The following OXNAD1 variants were observed in gnomAD, a reference collection of about 807,000 sequenced individuals.
OXNAD1 encodes the protein oxidoreductase NAD-binding domain-containing protein 1.
Under a neutral mutation model 32.9 loss-of-function variants are expected in OXNAD1, and 34 were observed. That is an observed-to-expected ratio of 1.03 (90% confidence interval 0.79 to 1.38). The LOEUF (loss-of-function observed/expected upper bound fraction) is 1.38. Among genes scored for constraint, OXNAD1 ranks in the 40% most tolerant of loss-of-function variants. The pLI is 0.00. For missense variants in OXNAD1, 407 were observed against 379.4 expected, an observed-to-expected ratio of 1.07 and a Z score of -0.60; for synonymous variants, 134 against 135.2, an observed-to-expected ratio of 0.99 and a Z score of 0.06.
Position 16,305,225 on chromosome 3 carries a change from G to T in OXNAD1, c.*1663G>T, listed in dbSNP as rs886676458. On this transcript the variant is annotated 3_prime_UTR_variant, in exon 9 of 9. Coordinates refer to ENST00000285083, the MANE Select transcript of OXNAD1 (RefSeq NM_138381.5). This position sits in a 1 kb window ranked among gnomAD's most constrained non-coding sequence, Gnocchi z 4.5. ...GAGGACACCTAAAGGTATGCGGAAA[G>T]TACCTAACCCAGACCTCTCTGCATT... 2.0e-5 allele frequency: 3 copies of T among 152,226 alleles called. No homozygotes were observed. Among genetic ancestry groups the T allele is most frequent in the African/African-American group, 7.2e-5 (3 of 41,424 alleles). The allele number at this position is 152,226 out of a possible 1,614,324, so 9.4% of individuals were successfully genotyped here. A position where few individuals can be genotyped will look rare whatever the true frequency, so the allele number is the denominator to read the frequency against.
chr3:16,347,110 A>G (rs549164944), intron 9 of OXNAD1, among the ~76,000 whole-genome samples: 57 of 152,222 alleles, frequency 3.7e-4, no homozygotes, highest in East Asian at 3.9e-4. Context: ...CCCTTTCTCC[A>G]GGGCCAATTG....
At chr3:16,296,594 A>G (rs2066814540) in intron 6 of OXNAD1, among the ~76,000 whole-genome samples, 1 of 152,250 alleles carries the variant, frequency 6.6e-6, no homozygotes, top group African/African-American at 2.4e-5. Flanking sequence ...CATTCAAAAC[A>G]GTATGGTATT....
chr3:16,317,329 G>A lies in OXNAD1; in HGVS notation c.*30+13737G>A. ...GCATTCATACCCACACCATGTCTGA[G>A]TGAGACATACAATTCCCAGCATCCC... On this transcript the variant is annotated intron_variant, in intron 9 of 9. Coordinates refer to the OXNAD1 transcript ENST00000435829. The surrounding 1 kb of genome is among the most constrained non-coding windows in gnomAD (Gnocchi z 4.3). 1 of 1,291,574 alleles carries A rather than the reference G, an allele frequency of 7.7e-7. No homozygotes were observed. The highest frequency in any genetic ancestry group is 1.1e-6 in the Non-Finnish European group (1 of 926,862). 80.0% of individuals were successfully genotyped at this position (1,291,574 alleles called of 1,614,324 possible).
In OXNAD1 at chr3:16,329,439, G is replaced by A. The variant is rs2070074646; in HGVS notation, c.*31-7673G>A. Among the ~76,000 whole-genome samples the A allele has an allele frequency of 6.6e-6, 1 of 152,214 alleles. No homozygotes were observed. The highest frequency in any genetic ancestry group is 1.5e-5 in the Non-Finnish European group (1 of 68,040). ...GAGGTACAAGAATAATCCGTTTACA[G>A]GTGGGGCCAGGAGAGAATGCCATTC... On this transcript the variant is annotated intron_variant, in intron 9 of 9. Coordinates refer to the OXNAD1 transcript ENST00000435829. The surrounding 1 kb of genome is among the most constrained non-coding windows in gnomAD (Gnocchi z 4.5).
At position 16,271,424 on chromosome 3, in the gene OXNAD1, G is replaced by A. The variant is rs1490951090; in HGVS notation, c.120-235G>A. On this transcript the variant is annotated intron_variant, in intron 3 of 8. Coordinates refer to ENST00000285083, the MANE Select transcript of OXNAD1 (RefSeq NM_138381.5). The surrounding 1 kb of genome is among the most constrained non-coding windows in gnomAD (Gnocchi z 4.6). ...TCTCCATGTTGGCCAGGCTGGTCTC[G>A]TACTCCTGACGTCAGATGATCTGCC... 3.3e-5 allele frequency among the ~76,000 whole-genome samples: 5 copies of A among 152,052 alleles called. No homozygotes were observed. The highest frequency in any genetic ancestry group is 2.4e-5 in the African/African-American group (1 of 41,394).
chr3:16,332,420 T>C (rs1343922024), intron 9 of OXNAD1, among the ~76,000 whole-genome samples: 7 of 116,638 alleles, frequency 6.0e-5, no homozygotes, highest in Admixed American at 1.6e-4. Context: ...ATTGCTTCTT[T>C]TTTTTTTTTA....
chr3:16,281,724 C>T lies in OXNAD1; in HGVS notation c.184-4618C>T, dbSNP rs140670154. ...CATTTCACATAGCCTAGCACTTGAT[C>T]GTGACGCATTCTCAGGTGTCTCAGC... On this transcript the variant is annotated intron_variant, in intron 4 of 8. Transcript: ENST00000285083. 2.8e-3 allele frequency among the ~76,000 whole-genome samples: 428 copies of T among 152,108 alleles called. 1 individual carries two copies. Among genetic ancestry groups the T allele is most frequent in the African/African-American group, 0.01 (415 of 41,486 alleles).
At chr3:16,315,454 G>C (rs190600055) in intron 9 of OXNAD1, among the ~76,000 whole-genome samples, 1 of 152,302 alleles carries the variant, frequency 6.6e-6, no homozygotes, top group Admixed American at 6.5e-5. Flanking sequence ...AAAGGGAAAA[G>C]ACTTGCCTCA....
At chr3:16,341,538 G>A (rs1015570678), downstream of OXNAD1, among the ~76,000 whole-genome samples, 2 of 152,110 alleles carry the variant, frequency 1.3e-5, no homozygotes, top group Admixed American at 6.5e-5. This position sits in a 1 kb window ranked among gnomAD's most constrained non-coding sequence, Gnocchi z 4.7. Flanking sequence ...GAAGCCAACT[G>A]GAAAAGGCTA....
downstream of OXNAD1, among the ~76,000 whole-genome samples, chr3:16,341,851 G>A (rs1323293054): frequency 2.0e-5 from 3 of 152,166 alleles, no homozygotes; most frequent in African/African-American, 7.2e-5. This position sits in a 1 kb window ranked among gnomAD's most constrained non-coding sequence, Gnocchi z 4.7. Flanking sequence ...ACAGTTTGAA[G>A]AGTATGATAC....
At chr3:16,269,772 C>G (rs750944011) in intron 2 of OXNAD1, among the ~76,000 whole-genome samples, 1 of 152,126 alleles carries the variant, frequency 6.6e-6, no homozygotes, top group East Asian at 1.9e-4. Context: ...ATTTTGCTAA[C>G]AGCAATTTAT....
In OXNAD1 at chr3:16,317,373, C is replaced by CA; in HGVS notation, c.*30+13782dup. Reference sequence around the variant, plus strand: ...GCATCCCCCAGCCAGGCAGTACAGGCACCAAACTTGAATCGCACACTATCA... The same window carrying CA: ...GCATCCCCCAGCCAGGCAGTACAGGCAACCAAACTTGAATCGCACACTATCA... On this transcript the variant is annotated intron_variant, in intron 9 of 9. Transcript: ENST00000435829. This position sits in a 1 kb window ranked among gnomAD's most constrained non-coding sequence, Gnocchi z 4.3. 1.2e-6 allele frequency: 1 copy of CA among 836,444 alleles called. No individual in the cohort carries two copies. Among genetic ancestry groups the CA allele is most frequent in the Non-Finnish European group, 1.9e-6 (1 of 539,798 alleles). The allele number at this position is 836,444 out of a possible 1,614,324, so 51.8% of individuals were successfully genotyped here.
intron 6 of OXNAD1, among the ~76,000 whole-genome samples, chr3:16,296,707 A>G (rs2066822540): frequency 6.6e-6 from 1 of 152,232 alleles, no homozygotes; most frequent in Non-Finnish European, 1.5e-5. Flanking sequence ...GGTAGATTCA[A>G]TGGAAAAATT....
intron 6 of OXNAD1, among the ~76,000 whole-genome samples, chr3:16,295,875 T>G (rs2066751930): frequency 1.3e-5 from 2 of 152,160 alleles, no homozygotes; most frequent in South Asian, 4.1e-4. Context: ...AAAACCTCTA[T>G]TTTCAGCAAA....
rs1290740852 is a variant in OXNAD1 at position 16,322,379 on chromosome 3, C to T, written c.*31-14733C>T. 6.6e-6 allele frequency among the ~76,000 whole-genome samples: 1 copy of T among 152,236 alleles called. No homozygotes were observed. Among genetic ancestry groups the T allele is most frequent in the African/African-American group, 2.4e-5 (1 of 41,458 alleles). ...GGGGCTGCTCCAATCTGTTCATTTA[C>T]TTGATGCTCCTTCCCAGGGCTCTGT... On this transcript the variant is annotated intron_variant, in intron 9 of 9. Transcript: ENST00000435829. The surrounding 1 kb of genome is among the most constrained non-coding windows in gnomAD (Gnocchi z 6.2).
intron 4 of OXNAD1, among the ~76,000 whole-genome samples, chr3:16,283,442 C>T (rs2065883341): frequency 6.6e-6 from 1 of 152,162 alleles, no homozygotes; most frequent in Non-Finnish European, 1.5e-5. Flanking sequence ...TCAGTTTCCT[C>T]ATCTGCAAGA....
downstream of OXNAD1, among the ~76,000 whole-genome samples, chr3:16,351,243 C>T (rs2072080250): frequency 6.6e-6 from 1 of 152,148 alleles, no homozygotes; most frequent in Non-Finnish European, 1.5e-5. This position sits in a 1 kb window ranked among gnomAD's most constrained non-coding sequence, Gnocchi z 5.4. Context: ...GGAGAGATTC[C>T]TGCAGCGCGC....
chr3:16,288,145 G>T lies in OXNAD1; in HGVS notation c.290+1697G>T, dbSNP rs1300285333. 6.6e-6 allele frequency among the ~76,000 whole-genome samples: 1 copy of T among 152,126 alleles called. No homozygotes were observed. Among genetic ancestry groups the T allele is most frequent in the Non-Finnish European group, 1.5e-5 (1 of 68,030 alleles). ...GAATGGCCATTTTGCTGAGGTTGGC[G>T]GTGTCTGTCCCTTCCATGCTGTTGC... On this transcript the variant is annotated intron_variant, in intron 5 of 8. Coordinates refer to ENST00000285083, the MANE Select transcript of OXNAD1 (RefSeq NM_138381.5). The surrounding 1 kb of genome is among the most constrained non-coding windows in gnomAD (Gnocchi z 5.1).
At chr3:16,313,523 T>C (rs2068119734) in intron 9 of OXNAD1, 1 of 152,162 alleles carries the variant, frequency 6.6e-6, no homozygotes, top group African/African-American at 2.4e-5. Context: ...TAACAGTATC[T>C]GCCACATTGA....
Sources: allele counts gnomAD v4.1 joint callset (sites outside exome capture counted in the v4.1 genomes callset), GRCh38; gene constraint gnomAD v4.1.1; non-coding constraint Gnocchi (gnomAD v3.1); transcripts MANE v1.5; gene names NCBI Gene and HGNC (gene_info 2026-07-23, HGNC 2026-07-21).